Variants in TMPRSS11E observed in about 807,000 individuals in gnomAD.
The protein encoded by TMPRSS11E is transmembrane serine protease 11E.
Under a neutral mutation model 48.1 loss-of-function variants are expected in TMPRSS11E, and 38 were observed. The observed-to-expected ratio is 0.79, with a 90% confidence interval of 0.61 to 1.04. The LOEUF is 1.04. TMPRSS11E is among the 50% of genes least tolerant of loss of function. The pLI is 0.00. For missense variants in TMPRSS11E, 530 were observed against 510.8 expected, an observed-to-expected ratio of 1.04 and a Z score of -0.36; for synonymous variants, 158 against 171.9, an observed-to-expected ratio of 0.92 and a Z score of 0.63.
chr4:68,462,717 GAGTA>G (rs1389394288), intron 2 of TMPRSS11E, among the ~76,000 whole-genome samples: 1 of 152,152 alleles, frequency 6.6e-6, no homozygotes, highest in Non-Finnish European at 1.5e-5. Flanking sequence ...ATGTATTGTT[GAGTA>G]AGTGCCTATT....
chr4:68,497,520 C>T lies in TMPRSS11E; in HGVS notation c.*716C>T, dbSNP rs1225045014. 6.6e-6 allele frequency: 1 copy of T among 152,016 alleles called. No individual in the cohort carries two copies. Among genetic ancestry groups the T allele is most frequent in the African/African-American group, 2.4e-5 (1 of 41,400 alleles). The allele number at this position is 152,016 out of a possible 1,614,324, so 9.4% of individuals were successfully genotyped here. ...AATTATACAAACTTCATGCAATGTA[C>T]TTGTTCTAAGCAAATTAAAGCAAAT... On this transcript the variant is annotated 3_prime_UTR_variant, in exon 10 of 10. Transcript: ENST00000305363.
At chr4:68,491,477 A>T (rs1407162137) in intron 9 of TMPRSS11E, among the ~76,000 whole-genome samples, 1 of 152,098 alleles carries the variant, frequency 6.6e-6, no homozygotes, top group Non-Finnish European at 1.5e-5. Context: ...AGCTGGGGAA[A>T]AAAGAATAAG....
intron 9 of TMPRSS11E, among the ~76,000 whole-genome samples, chr4:68,485,131 G>T (rs1729515986): frequency 6.6e-6 from 1 of 151,936 alleles, no homozygotes. Context: ...CTGATGCCTA[G>T]TTAGTTCAAG....
intron 1 of TMPRSS11E, among the ~76,000 whole-genome samples, chr4:68,457,560 G>A (rs530036527): frequency 3.8e-4 from 58 of 152,146 alleles, no homozygotes; most frequent in African/African-American, 1.4e-3. Flanking sequence ...TATACCAAAA[G>A]GATTATAAAT....
chr4:68,488,483 T>C (rs1729623561), intron 9 of TMPRSS11E, among the ~76,000 whole-genome samples: 1 of 152,060 alleles, frequency 6.6e-6, no homozygotes, highest in East Asian at 1.9e-4. Context: ...TTGTAGTGAG[T>C]TTTTCAGCTC....
intron 1 of TMPRSS11E, among the ~76,000 whole-genome samples, chr4:68,460,999 G>A (rs1487061331): frequency 1.3e-5 from 2 of 151,392 alleles, no homozygotes; most frequent in African/African-American, 2.4e-5. Flanking sequence ...TCCTGCCTCA[G>A]CCTCCAGAGT....
chr4:68,471,302 C>A (rs1449094206), intron 4 of TMPRSS11E, among the ~76,000 whole-genome samples, 158 bp from the exon 5 acceptor site: 1 of 150,208 alleles, frequency 6.7e-6, no homozygotes, highest in Non-Finnish European at 1.5e-5. Flanking sequence ...TCTTCACTTC[C>A]TTTTTCCTTT....
At chr4:68,481,762 C>A (rs1729407777) in intron 9 of TMPRSS11E, among the ~76,000 whole-genome samples, 1 of 152,068 alleles carries the variant, frequency 6.6e-6, no homozygotes, top group African/African-American at 2.4e-5. Flanking sequence ...CCAGCTTGGG[C>A]AACATGGGGA....
At chr4:68,475,861 C>T (rs1454247) in intron 6 of TMPRSS11E, among the ~76,000 whole-genome samples, 72,987 of 151,888 alleles carry the variant, frequency 0.48, 18,190 homozygotes, top group East Asian at 0.78. Flanking sequence ...TTAGTGGTGC[C>T]AAGGTTGAGG....
Position 68,447,495 on chromosome 4 carries a change from C to T in TMPRSS11E, c.-18C>T. On this transcript the variant is annotated 5_prime_UTR_variant, in exon 1 of 10. Coordinates refer to ENST00000305363, the MANE Select transcript of TMPRSS11E (RefSeq NM_014058.4). ...TGTAGACCTCGACCTTCACAGGACT[C>T]TTCATTGCTGGTTGGCAATGATGTA... is the stretch of plus-strand genomic sequence containing the variant. 1 of 1,610,176 alleles carries T rather than the reference C, an allele frequency of 6.2e-7. No homozygotes were observed. Among genetic ancestry groups the T allele is most frequent in the Non-Finnish European group, 8.5e-7 (1 of 1,177,806 alleles).
chr4:68,474,713 T>A lies in TMPRSS11E; in HGVS notation c.491-10T>A, dbSNP rs752336205. 2 of 1,607,388 alleles carry A rather than the reference T, an allele frequency of 1.2e-6. No homozygotes were observed. The highest frequency in any genetic ancestry group is 3.4e-5 in the Admixed American group (2 of 58,652). On this transcript the variant is annotated splice_polypyrimidine_tract_variant and intron_variant, in intron 5 of 9. Transcript: ENST00000305363. ...GTGCTGACCCTATTTGCCATTTCTG[T>A]GTGTTTCAGAAATCAACAAGACAGA...
chr4:68,478,960 G>C lies in TMPRSS11E; in HGVS notation c.1079G>C (p.Gly360Ala). 6.2e-7 allele frequency: 1 copy of C among 1,613,964 alleles called. No individual in the cohort carries two copies. ...ATAACTCCTAGAATGTTATGTGCTG[G>C]CTCCTTAGAAGGAAAAACAGATGCA... The part of the protein sequence containing the change: ...DAITPRMLCA[G>A]SLEGKTDACQ... The change falls in exon 9 of 10, where the codon GGC (glycine) becomes GCC (alanine). Residue 360 changes from glycine (G) to alanine (A), a missense_variant. Gly to Ala is a moderately conservative substitution (Grantham distance 60). Transcript: ENST00000305363.
intron 3 of TMPRSS11E, among the ~76,000 whole-genome samples, chr4:68,467,208 T>C (rs1027872962): frequency 2.6e-5 from 4 of 152,142 alleles, no homozygotes; most frequent in African/African-American, 9.7e-5. Flanking sequence ...AAATCTGTAG[T>C]AAATCCACAG....
At chr4:68,467,254 C>A (rs1346465703) in intron 3 of TMPRSS11E, among the ~76,000 whole-genome samples, 1 of 152,062 alleles carries the variant, frequency 6.6e-6, no homozygotes, top group Non-Finnish European at 1.5e-5. Flanking sequence ...AAATATTTAA[C>A]CTTCAACTAG....
intron 9 of TMPRSS11E, among the ~76,000 whole-genome samples, chr4:68,481,591 C>T (rs750757397): frequency 3.9e-5 from 6 of 152,084 alleles, no homozygotes; most frequent in Non-Finnish European, 7.4e-5. Flanking sequence ...TTGTTGGCTG[C>T]TTGTGTGTCT....
At chr4:68,479,148 A>G (rs1729331339) in intron 9 of TMPRSS11E, among the ~76,000 whole-genome samples, 157 bp downstream of exon 9, 1 of 152,216 alleles carries the variant, frequency 6.6e-6, no homozygotes, top group Non-Finnish European at 1.5e-5. Context: ...CTATAGTTCA[A>G]TATAAGATCT....
chr4:68,461,431 T>G (rs1728786885), intron 1 of TMPRSS11E, among the ~76,000 whole-genome samples: 1 of 152,196 alleles, frequency 6.6e-6, no homozygotes, highest in Non-Finnish European at 1.5e-5. Context: ...GCCCCTGCAG[T>G]GTCTAACTCT....
intron 4 of TMPRSS11E, among the ~76,000 whole-genome samples, chr4:68,469,338 T>G (rs1053700975): frequency 6.6e-6 from 1 of 151,978 alleles, no homozygotes; most frequent in African/African-American, 2.4e-5. Context: ...CTTCTTTATC[T>G]TCTTCTATTC....
intron 1 of TMPRSS11E, among the ~76,000 whole-genome samples, chr4:68,452,746 T>A (rs1728532940): frequency 6.6e-6 from 1 of 152,004 alleles, no homozygotes; most frequent in Admixed American, 6.6e-5. Flanking sequence ...AGATAATAAA[T>A]GAACACTTTA....
Sources: allele counts gnomAD v4.1 joint callset (sites outside exome capture counted in the v4.1 genomes callset), GRCh38; gene constraint gnomAD v4.1.1; transcripts MANE v1.5; gene names NCBI Gene and HGNC (gene_info 2026-07-23, HGNC 2026-07-21).